DNAH9: variants seen among roughly 807,000 people sequenced by gnomAD.
DNAH9 encodes the protein DNAH9 variant protein.
In DNAH9, 345 loss-of-function variants were observed where a neutral mutation model predicts 471.6. That is an observed-to-expected ratio of 0.73 (90% CI 0.67 to 0.80). The LOEUF (loss-of-function observed/expected upper bound fraction) is 0.80, where lower values mean the gene tolerates loss of function less well. Ranked by LOEUF, DNAH9 falls within the 30% of genes least tolerant of loss-of-function variation. The pLI is 0.00. For missense variants in DNAH9, 5,407 were observed against 5,609.2 expected (o/e 0.96, Z 1.15); for synonymous variants, 2,093 against 2,123.6 (o/e 0.99, Z 0.40).
rs1182537236 is a variant in DNAH9, at chr17:11,920,577, C to T, written c.11750-3237C>T. Among the ~76,000 whole-genome samples, 52 of 145,370 alleles carry T rather than the reference C, an allele frequency of 3.6e-4. 1 individual carries two copies. Among genetic ancestry groups the T allele is most frequent in the Admixed American group, 3.3e-3 (48 of 14,466 alleles). ...CAGAGGTTGCAGTGAGCTGAGATTG[C>T]GCCATTGCACTCCAGTCTGGGCGAC... is the stretch of plus-strand genomic sequence containing the variant. On this transcript the variant is annotated intron_variant, in intron 61 of 68. Coordinates refer to ENST00000262442, the MANE Select transcript of DNAH9 (RefSeq NM_001372.4).
At chr17:11,815,746 G>A (rs1970075397) in intron 45 of DNAH9, among the ~76,000 whole-genome samples, 1 of 152,130 alleles carries the variant, frequency 6.6e-6, no homozygotes, top group Non-Finnish European at 1.5e-5. Context: ...TTGTGATTGT[G>A]CCATTGCAAT....
intron 36 of DNAH9, 115 bp downstream of exon 36, chr17:11,763,729 A>C (rs913582609): frequency 1.9e-6 from 2 of 1,040,244 alleles, no homozygotes; most frequent in African/African-American, 3.2e-5. Context: ...ACTTGAAAGC[A>C]GCAAACTATT....
intron 32 of DNAH9, among the ~76,000 whole-genome samples, chr17:11,751,571 G>A (rs1371520082): frequency 6.6e-6 from 1 of 151,994 alleles, no homozygotes; most frequent in Non-Finnish European, 1.5e-5. Flanking sequence ...AGTAGGAATA[G>A]AAGGAAACCC....
chr17:11,941,312 G>A (rs189820817), intron 66 of DNAH9, among the ~76,000 whole-genome samples: 10 of 152,244 alleles, frequency 6.6e-5, no homozygotes, highest in East Asian at 3.9e-4. Flanking sequence ...AATGGCTGGC[G>A]CTCGCTCACT....
At chr17:11,701,305 T>A in intron 24 of DNAH9, 58 bp downstream of exon 24, 1 of 1,576,044 alleles carries the variant, frequency 6.3e-7, no homozygotes, top group Non-Finnish European at 8.7e-7. Context: ...CTCCGCAGCC[T>A]CCCCCAGCCT....
At chr17:11,921,721 C>T (rs1026704419) in intron 61 of DNAH9, among the ~76,000 whole-genome samples, 1 of 152,122 alleles carries the variant, frequency 6.6e-6, no homozygotes, top group African/African-American at 2.4e-5. Context: ...TAGTGAGAAT[C>T]CCATCCATTT....
rs543484463 is a variant in DNAH9, at chr17:11,818,141, G to T, written c.8708-3779G>T. Among the ~76,000 whole-genome samples, 7 of 152,318 alleles carry T rather than the reference G, an allele frequency of 4.6e-5. No individual in the cohort carries two copies. In the South Asian group the frequency reaches 1.4e-3, roughly 32 times the overall value. On this transcript the variant is annotated intron_variant, in intron 45 of 68. Transcript: ENST00000262442. ...GGACCTCACCAAAGTCCATAAGAAA[G>T]TGGGATGGGCCGGGCGTGGTGGCTC...
chr17:11,807,720 C>T lies in DNAH9; in HGVS notation c.8421-12C>T, dbSNP rs1210967335. 1 of 1,598,678 alleles carries T rather than the reference C, an allele frequency of 6.3e-7. No homozygotes were observed. Among genetic ancestry groups the T allele is most frequent in the Admixed American group, 1.7e-5 (1 of 59,550 alleles). On this transcript the variant is annotated splice_polypyrimidine_tract_variant and intron_variant, in intron 43 of 68. Coordinates refer to ENST00000262442, the MANE Select transcript of DNAH9 (RefSeq NM_001372.4). ...TGATCAAAGCAACATGTGCCTGCTT[C>T]CTTCTCTTTAGCTGCCATATCAATC...
chr17:11,736,716 A>G (rs1014525490), intron 28 of DNAH9, among the ~76,000 whole-genome samples: 4 of 152,186 alleles, frequency 2.6e-5, no homozygotes, highest in Non-Finnish European at 4.4e-5. Flanking sequence ...GAGCCCCTCT[A>G]CAGAATTTTA....
chr17:11,966,111 C>A (rs1976694641), intron 68 of DNAH9, among the ~76,000 whole-genome samples: 1 of 152,098 alleles, frequency 6.6e-6, no homozygotes. Flanking sequence ...TTTACATGTC[C>A]AAGAAGCTCA....
chr17:11,659,500 A>C (rs1042120908), intron 14 of DNAH9, among the ~76,000 whole-genome samples: 1 of 152,156 alleles, frequency 6.6e-6, no homozygotes, highest in Non-Finnish European at 1.5e-5. Flanking sequence ...GAGAGAACCC[A>C]GGCATCAGGG....
At position 11,891,721 on chromosome 17, in the gene DNAH9, C is replaced by A. The variant is rs1412103187; in HGVS notation, c.11113-56C>A. 3.8e-6 allele frequency: 6 copies of A among 1,573,226 alleles called. No individual in the cohort carries two copies. The East Asian group carries it at 1.3e-4, about 35-fold the overall frequency. On this transcript the variant is annotated intron_variant, in intron 57 of 68. Transcript: ENST00000262442. ...ATCACATTCTTCGCAGGTAAGACCA[C>A]TAGTGTATAGTAAGAGGGCTGTGTA...
chr17:11,809,513 G>A (rs1240932849), intron 44 of DNAH9, among the ~76,000 whole-genome samples: 2 of 152,138 alleles, frequency 1.3e-5, no homozygotes, highest in Non-Finnish European at 2.9e-5. Flanking sequence ...CTTGCAGTGA[G>A]CCGAGATGGT....
chr17:11,910,289 T>C (rs1262163170), intron 61 of DNAH9, among the ~76,000 whole-genome samples: 1 of 152,138 alleles, frequency 6.6e-6, no homozygotes, highest in Non-Finnish European at 1.5e-5. Flanking sequence ...GGACATTTCA[T>C]AGAAATGAAA....
At chr17:11,711,910 ATATATATT>A (rs2074836651) in intron 26 of DNAH9, among the ~76,000 whole-genome samples, 1 of 68,562 alleles carries the variant, frequency 1.5e-5, no homozygotes, top group South Asian at 3.5e-4. Context: ...ATATATTTGT[ATATATATT>A]TATATATAAA....
At chr17:11,670,376 G>A (rs952267571) in intron 17 of DNAH9, among the ~76,000 whole-genome samples, 15 of 152,014 alleles carry the variant, frequency 9.9e-5, no homozygotes, top group South Asian at 2.1e-4. Context: ...ACAGTCCCCC[G>A]GTCACTTTAC....
intron 42 of DNAH9, among the ~76,000 whole-genome samples, chr17:11,797,184 T>A (rs1969274836): frequency 6.6e-6 from 1 of 152,168 alleles, no homozygotes; most frequent in Non-Finnish European, 1.5e-5. Flanking sequence ...TTGCTGCAGA[T>A]TGAGGACCTA....
chr17:11,962,137 G>A lies in DNAH9; in HGVS notation c.13114G>A (p.Asp4372Asn). The change falls in exon 68 of 69, where the codon GAC (aspartate) becomes AAC (asparagine). Residue 4372 changes from aspartate to asparagine, a missense_variant. Around this residue, in one of 3 missense-constraint regions of DNAH9, gnomAD observed 4,636 missense variants for 4,900.3 expected, o/e 0.95. Transcript: ENST00000262442. The surrounding 1 kb of genome is among the most constrained non-coding windows in gnomAD (Gnocchi z 4.1). ...STARKNEWPL[D>N]QMALQCDMTK... ...GGCTCGCAAGAATGAGTGGCCACTG[G>A]ACCAGATGGCCCTGCAATGTGACAT... The A allele has an allele frequency of 6.2e-7, 1 of 1,614,148 alleles. No homozygotes were observed. Among genetic ancestry groups the A allele is most frequent in the Non-Finnish European group, 8.5e-7 (1 of 1,180,044 alleles).
chr17:11,694,728 T>C (rs866363747), intron 22 of DNAH9, among the ~76,000 whole-genome samples: 647 of 2,590 alleles, frequency 0.25, 291 homozygotes, highest in South Asian at 0.94. Context: ...CTCTCTCTCT[T>C]TCTCTTTCTT....
Sources: gnomAD v4.1 joint callset for allele counts (sites outside exome capture counted in the v4.1 genomes callset) on GRCh38, gnomAD v4.1.1 for gene constraint, gnomAD v4.1.1 regional missense constraint, Gnocchi (gnomAD v3.1) non-coding constraint, MANE v1.5 for transcripts, NCBI Gene and HGNC (gene_info 2026-07-23, HGNC 2026-07-21) for gene names.